The following MAGI3 variants were observed in gnomAD, a reference collection of about 807,000 sequenced individuals.
The protein encoded by MAGI3 is membrane-associated guanylate kinase, WW and PDZ domain-containing protein 3.
In MAGI3, 43 loss-of-function variants were observed where a neutral mutation model predicts 121.8. The ratio of observed to expected loss-of-function variants is 0.35; its 90% CI spans 0.28 to 0.46. The LOEUF is 0.46. Among genes scored for constraint, MAGI3 ranks in the 20% least tolerant of loss-of-function variants. The pLI is 1.00. For synonymous variants in MAGI3, 553 were observed against 639.3 expected, an observed-to-expected ratio of 0.86 and a Z score of 2.04; for missense variants, 1,547 against 1,797.3, an observed-to-expected ratio of 0.86 and a Z score of 2.52.
intron 1 of MAGI3, among the ~76,000 whole-genome samples, chr1:113,536,824 ACT>A (rs1659031205): frequency 6.6e-6 from 1 of 151,230 alleles, no homozygotes. Flanking sequence ...ATATTGAAAA[ACT>A]CTTCATATAT....
At chr1:113,408,871 T>C (rs570069805) in intron 1 of MAGI3, among the ~76,000 whole-genome samples, 3 of 152,258 alleles carry the variant, frequency 2.0e-5, no homozygotes, top group African/African-American at 7.2e-5. Flanking sequence ...CTAGGATTAA[T>C]CTATTACTTT....
intron 1 of MAGI3, among the ~76,000 whole-genome samples, chr1:113,451,234 A>T (rs945108491): frequency 1.3e-5 from 2 of 152,182 alleles, no homozygotes; most frequent in African/African-American, 4.8e-5. Flanking sequence ...GAATGGACTG[A>T]TAAACTTTCT....
intron 1 of MAGI3, among the ~76,000 whole-genome samples, chr1:113,451,651 T>G (rs1654491176): frequency 6.6e-6 from 1 of 151,828 alleles, no homozygotes; most frequent in Non-Finnish European, 1.5e-5. Flanking sequence ...GAGGTGGAAA[T>G]GGGTAGTATG....
At chr1:113,562,846 G>A (rs1269543619) in intron 2 of MAGI3, among the ~76,000 whole-genome samples, 5 of 152,138 alleles carry the variant, frequency 3.3e-5, no homozygotes, top group African/African-American at 9.7e-5. Context: ...TTAAAAGTTG[G>A]AAAACAGAAA....
intron 2 of MAGI3, among the ~76,000 whole-genome samples, chr1:113,562,887 T>C (rs1660296467): frequency 6.6e-6 from 1 of 152,228 alleles, no homozygotes; most frequent in African/African-American, 2.4e-5. Context: ...TGGTAAATTG[T>C]TCTGAATATT....
intron 1 of MAGI3, among the ~76,000 whole-genome samples, chr1:113,447,637 T>G (rs1654244291): frequency 6.6e-6 from 1 of 152,186 alleles, no homozygotes; most frequent in African/African-American, 2.4e-5. Flanking sequence ...GTGGATCACC[T>G]GAGGTCAGGA....
At chr1:113,470,352 A>G (rs1441714358) in intron 1 of MAGI3, among the ~76,000 whole-genome samples, 3 of 152,178 alleles carry the variant, frequency 2.0e-5, no homozygotes, top group East Asian at 3.9e-4. Flanking sequence ...CCACATTCGC[A>G]TTCTAGTTTG....
At chr1:113,681,745 A>G (rs1057206199) in intron 20 of MAGI3, among the ~76,000 whole-genome samples, 2 of 152,246 alleles carry the variant, frequency 1.3e-5, no homozygotes, top group Non-Finnish European at 2.9e-5. Context: ...AGATAAGTTT[A>G]TATTATAATG....
rs561821804 is a variant in MAGI3, at chr1:113,621,990, A to G, written c.1172-816A>G. ...AATTGGATAATGACTGCTAATGGGC[A>G]TGGGGATTTCCTCTGAGGAGGGAAG... On this transcript the variant is annotated intron_variant, in intron 8 of 20. Coordinates refer to ENST00000307546, the MANE Select transcript of MAGI3 (RefSeq NM_001142782.2). Among the ~76,000 whole-genome samples, 4 of 152,280 alleles carry G rather than the reference A, an allele frequency of 2.6e-5. No homozygotes were observed. In the East Asian group the frequency reaches 7.7e-4, roughly 29 times the overall value.
chr1:113,528,833 G>A (rs943559308), intron 1 of MAGI3, among the ~76,000 whole-genome samples: 2 of 152,114 alleles, frequency 1.3e-5, no homozygotes, highest in African/African-American at 4.8e-5. Context: ...CATAATGTGA[G>A]GTTCAATATT....
intron 9 of MAGI3, among the ~76,000 whole-genome samples, chr1:113,631,955 G>A (rs1186331345): frequency 6.6e-6 from 1 of 152,094 alleles, no homozygotes; most frequent in Non-Finnish European, 1.5e-5. Flanking sequence ...TTTAAGTATT[G>A]TTTTCCAGAA....
In MAGI3 at chr1:113,407,769, A is replaced by G. The variant is rs115372822; in HGVS notation, c.316+16420A>G. Reference sequence around the variant, plus strand: ...ATTAGTTCAGGACTCTAATTTGATTATATTTTAGCTTGTAAGAATAAAAGT... The same window carrying G: ...ATTAGTTCAGGACTCTAATTTGATTGTATTTTAGCTTGTAAGAATAAAAGT... On this transcript the variant is annotated intron_variant, in intron 1 of 20. Coordinates refer to ENST00000307546, the MANE Select transcript of MAGI3 (RefSeq NM_001142782.2). Among the ~76,000 whole-genome samples the G allele has an allele frequency of 2.0e-3, 312 of 152,246 alleles. 1 individual carries two copies. Among genetic ancestry groups the G allele is most frequent in the African/African-American group, 7.2e-3 (300 of 41,546 alleles).
At chr1:113,577,129 G>C (rs11102658) in intron 2 of MAGI3, among the ~76,000 whole-genome samples, 45,523 of 152,060 alleles carry the variant, frequency 0.3, 7,495 homozygotes, top group East Asian at 0.65. Flanking sequence ...TGGAGGGAGG[G>C]AGAGGTTTAT....
At chr1:113,657,212 G>C (rs1220195425) in intron 15 of MAGI3, among the ~76,000 whole-genome samples, 1 of 152,214 alleles carries the variant, frequency 6.6e-6, no homozygotes, top group African/African-American at 2.4e-5. Context: ...ACAAAAACAA[G>C]GCAGGACTGA....
At chr1:113,647,283 A>G (rs972027045) in intron 12 of MAGI3, among the ~76,000 whole-genome samples, 6 of 152,254 alleles carry the variant, frequency 3.9e-5, no homozygotes, top group African/African-American at 1.4e-4. Flanking sequence ...GAGGAAGGCC[A>G]ATGATGCCCT....
intron 2 of MAGI3, among the ~76,000 whole-genome samples, chr1:113,560,422 C>T (rs1418947211): frequency 6.6e-6 from 1 of 150,552 alleles, no homozygotes; most frequent in African/African-American, 2.4e-5. Context: ...ACCAAAAAAA[C>T]AATAAAACAA....
chr1:113,437,812 CTT>C, intron 1 of MAGI3, among the ~76,000 whole-genome samples: 2 of 6,362 alleles, frequency 3.1e-4, no homozygotes, highest in African/African-American at 2.8e-3. Flanking sequence ...TTCTTTTCTT[CTT>C]CTTCTTCTTC....
intron 13 of MAGI3, among the ~76,000 whole-genome samples, chr1:113,650,491 G>A (rs929205317): frequency 9.2e-5 from 14 of 152,194 alleles, no homozygotes; most frequent in African/African-American, 3.1e-4. Flanking sequence ...TCACCTAGAT[G>A]CAAGTGAAGC....
intron 9 of MAGI3, among the ~76,000 whole-genome samples, chr1:113,641,033 T>TATATTATATATG (rs371402730): frequency 1.6e-4 from 2 of 12,370 alleles, no homozygotes; most frequent in South Asian, 3.8e-3. Flanking sequence ...ATATATATGA[T>TATATTATATATG]ATATATAATA....
Sources: allele counts gnomAD v4.1 joint callset (sites outside exome capture counted in the v4.1 genomes callset), GRCh38; gene constraint gnomAD v4.1.1; transcripts MANE v1.5; gene names NCBI Gene and HGNC (gene_info 2026-07-23, HGNC 2026-07-21).